The following PLCB1 variants were observed in gnomAD, a reference collection of about 807,000 sequenced individuals.
PLCB1 encodes 1-phosphatidylinositol 4,5-bisphosphate phosphodiesterase beta-1.
A neutral mutation model predicts 161.8 loss-of-function variants in PLCB1; 46 were observed. That is an observed-to-expected ratio of 0.28 (90% confidence interval 0.22 to 0.36). PLCB1 has a LOEUF of 0.36. Ranked by LOEUF, PLCB1 falls within the 10% of genes least tolerant of loss-of-function variation. The pLI, the probability that PLCB1 is intolerant of heterozygous loss-of-function variation, is 1.00. For missense variants in PLCB1, 1,016 were observed against 1,472.5 expected (o/e 0.69, Z 5.07); for synonymous variants, 517 against 503.7 (o/e 1.03, Z -0.35).
chr20:8,687,260 A>G (rs967547752), intron 10 of PLCB1, among the ~76,000 whole-genome samples: 1 of 152,300 alleles, frequency 6.6e-6, no homozygotes, highest in Admixed American at 6.5e-5. Context: ...CCTGAGCTCA[A>G]GCAATCCTTC....
intron 2 of PLCB1, among the ~76,000 whole-genome samples, chr20:8,325,533 T>C (rs1985116794): frequency 6.6e-6 from 1 of 152,244 alleles, no homozygotes; most frequent in African/African-American, 2.4e-5. Context: ...ACTTAAGTGG[T>C]ACTTACTATG....
intron 9 of PLCB1, among the ~76,000 whole-genome samples, chr20:8,668,727 C>G (rs925621514): frequency 7.2e-5 from 11 of 152,192 alleles, no homozygotes; most frequent in African/African-American, 2.4e-4. Context: ...CCAGCCTGCA[C>G]CACATAAAGT....
At chr20:8,276,968 C>CTTATTATTA (rs1405441972) in intron 2 of PLCB1, among the ~76,000 whole-genome samples, 1 of 114,298 alleles carries the variant, frequency 8.7e-6, no homozygotes, top group African/African-American at 3.3e-5. Context: ...TCTTCTTCTT[C>CTTATTATTA]TTCTTCTTCT....
At chr20:8,647,999 A>C (rs1989213018) in intron 6 of PLCB1, 46 bp downstream of exon 6, 1 of 1,356,542 alleles carries the variant, frequency 7.4e-7, no homozygotes, top group African/African-American at 1.5e-5. Flanking sequence ...TTTTCCTCAA[A>C]GATCTGAATC....
At chr20:8,598,576 G>A (rs1297810993) in intron 3 of PLCB1, among the ~76,000 whole-genome samples, 1 of 121,472 alleles carries the variant, frequency 8.2e-6, no homozygotes, top group South Asian at 3.2e-4. Context: ...TGTATATTCT[G>A]TTGATTTGGC....
chr20:8,446,568 G>T lies in PLCB1; in HGVS notation c.246+75118G>T, dbSNP rs558719216. Among the ~76,000 whole-genome samples, 13 of 152,304 alleles carry T rather than the reference G, an allele frequency of 8.5e-5. No individual in the cohort carries two copies. The South Asian group carries it at 2.7e-3, about 32-fold the overall frequency. On this transcript the variant is annotated intron_variant, in intron 3 of 31. Coordinates refer to ENST00000338037, the MANE Select transcript of PLCB1 (RefSeq NM_015192.4). ...TGGAAGTTCTGGCCAGGGCTATCAG[G>T]CAGGAGAAAGAAATAAAGGGTATTC...
Position 8,836,671 on chromosome 20 carries a change from G to T in PLCB1, c.3424-44951G>T, listed in dbSNP as rs59720220. ...TAGAGATATATAAATATTACCATTG[G>T]ATACTCCTAATCAACCACTTATAAG... On this transcript the variant is annotated intron_variant, in intron 31 of 31. Coordinates refer to ENST00000338037, the MANE Select transcript of PLCB1 (RefSeq NM_015192.4). Among the ~76,000 whole-genome samples, 1,319 of 152,238 alleles carry T rather than the reference G, an allele frequency of 8.7e-3. 22 individuals are homozygous for T. Among genetic ancestry groups the T allele is most frequent in the African/African-American group, 0.03 (1,229 of 41,532 alleles).
At chr20:8,673,652 C>T (rs968972907) in intron 9 of PLCB1, among the ~76,000 whole-genome samples, 4 of 152,052 alleles carry the variant, frequency 2.6e-5, no homozygotes, top group Non-Finnish European at 4.4e-5. Flanking sequence ...GTGTCATTTA[C>T]GGCTGAATTT....
chr20:8,676,710 A>G (rs1990086760), intron 9 of PLCB1, among the ~76,000 whole-genome samples: 1 of 152,228 alleles, frequency 6.6e-6, no homozygotes, highest in African/African-American at 2.4e-5. Flanking sequence ...CTTTTCAAGC[A>G]CAGCAAACAC....
chr20:8,455,113 A>C (rs944842085), intron 3 of PLCB1, among the ~76,000 whole-genome samples: 2 of 151,832 alleles, frequency 1.3e-5, no homozygotes, highest in African/African-American at 2.4e-5. Flanking sequence ...TGGGCAGATC[A>C]AGGTCAGGAG....
At chr20:8,304,729 A>T (rs191390260) in intron 2 of PLCB1, among the ~76,000 whole-genome samples, 38 of 152,192 alleles carry the variant, frequency 2.5e-4, no homozygotes, top group South Asian at 2.1e-4. Flanking sequence ...GAATGCTTCC[A>T]GTGGGCCAGG....
chr20:8,629,951 TTTTC>T lies in PLCB1; in HGVS notation c.384+1531_384+1534del, dbSNP rs746544761. ...CTTCTTTCCTTTCTTTCTCTCTTTC[TTTTC>T]TTTCTTTCTTCTTTCTTTCTTTCTT... On this transcript the variant is annotated intron_variant, in intron 4 of 31. Coordinates refer to ENST00000338037, the MANE Select transcript of PLCB1 (RefSeq NM_015192.4). Among the ~76,000 whole-genome samples, 215 of 131,914 alleles carry T rather than the reference TTTTC, an allele frequency of 1.6e-3. 1 individual carries two copies. The highest frequency in any genetic ancestry group is 6.9e-3 in the African/African-American group (205 of 29,642). 86.5% of individuals were successfully genotyped at this position (131,914 alleles called of 152,430 possible).
At chr20:8,145,119 C>T (rs183730827) in intron 1 of PLCB1, among the ~76,000 whole-genome samples, 1 of 152,248 alleles carries the variant, frequency 6.6e-6, no homozygotes, top group African/African-American at 2.4e-5. Context: ...TATTTTCTCA[C>T]AGTTTGGGAG....
intron 26 of PLCB1, among the ~76,000 whole-genome samples, chr20:8,766,943 G>C (rs1982347179): frequency 6.6e-6 from 1 of 152,138 alleles, no homozygotes; most frequent in African/African-American, 2.4e-5. Context: ...GTTTGGTCTA[G>C]GATGACGCTG....
At chr20:8,265,724 ATAT>A (rs1167969953) in intron 2 of PLCB1, among the ~76,000 whole-genome samples, 1 of 152,222 alleles carries the variant, frequency 6.6e-6, no homozygotes, top group Non-Finnish European at 1.5e-5. Context: ...AGTCATAATA[ATAT>A]TATTAACAAA....
chr20:8,206,669 A>G (rs1268487905), intron 2 of PLCB1, among the ~76,000 whole-genome samples: 1 of 152,122 alleles, frequency 6.6e-6, no homozygotes, highest in Non-Finnish European at 1.5e-5. Context: ...AATGGTAAAT[A>G]CTAAGAATTA....
At chr20:8,500,589 C>T (rs750461558) in intron 3 of PLCB1, among the ~76,000 whole-genome samples, 14 of 152,190 alleles carry the variant, frequency 9.2e-5, no homozygotes, top group Non-Finnish European at 1.6e-4. Context: ...GAAAGATATA[C>T]AGAATCAGTG....
chr20:8,737,427 C>T (rs1328599039), intron 20 of PLCB1, among the ~76,000 whole-genome samples: 1 of 151,930 alleles, frequency 6.6e-6, no homozygotes, highest in Non-Finnish European at 1.5e-5. Flanking sequence ...AATGGACGGC[C>T]ATAAAAACAT....
chr20:8,699,820 ATAAT>A (rs1990659557), intron 11 of PLCB1, among the ~76,000 whole-genome samples: 1 of 152,250 alleles, frequency 6.6e-6, no homozygotes, highest in Admixed American at 6.5e-5. Flanking sequence ...CTACAATGCA[ATAAT>A]TAGAGAAAAT....
Sources: allele counts gnomAD v4.1 joint callset (sites outside exome capture counted in the v4.1 genomes callset), GRCh38; gene constraint gnomAD v4.1.1; transcripts MANE v1.5; gene names NCBI Gene and HGNC (gene_info 2026-07-23, HGNC 2026-07-21).